Variants in ANKRD11 observed in about 807,000 individuals in gnomAD.
The protein encoded by ANKRD11 is ankyrin repeat domain 11.
A neutral mutation model predicts 195.7 loss-of-function variants in ANKRD11; 17 were observed. That is an observed-to-expected ratio of 0.09 (90% CI 0.06 to 0.13). The LOEUF (loss-of-function observed/expected upper bound fraction) is 0.13. Among genes scored for constraint, ANKRD11 ranks in the 10% least tolerant of loss-of-function variants. ANKRD11 has a pLI of 1.00. For synonymous variants in ANKRD11, 1,953 were observed against 1,528.1 expected, an observed-to-expected ratio of 1.28 and a Z score of -6.49; for missense variants, 3,735 against 3,566.1, an observed-to-expected ratio of 1.05 and a Z score of -1.21.
chr16:89,330,095 T>C (rs547381459), intron 2 of ANKRD11, among the ~76,000 whole-genome samples: 3 of 152,340 alleles, frequency 2.0e-5, no homozygotes, highest in African/African-American at 7.2e-5. Flanking sequence ...ATGTTTAAAA[T>C]GATTTAAATA....
chr16:89,377,287 A>G (rs1567719974), intron 2 of ANKRD11, among the ~76,000 whole-genome samples: 1 of 152,096 alleles, frequency 6.6e-6, no homozygotes, highest in Non-Finnish European at 1.5e-5. Flanking sequence ...GAGAGAGAGC[A>G]TCATGAGTGT....
chr16:89,460,041 G>A (rs2056597420), intron 1 of ANKRD11, among the ~76,000 whole-genome samples: 1 of 151,990 alleles, frequency 6.6e-6, no homozygotes, highest in African/African-American at 2.4e-5. Context: ...TTTGAGACCA[G>A]CCTACCCAAC....
chr16:89,443,967 G>A (rs995905250), intron 1 of ANKRD11, among the ~76,000 whole-genome samples: 10 of 152,250 alleles, frequency 6.6e-5, no homozygotes, highest in African/African-American at 7.2e-5. Context: ...GAGACAAAGC[G>A]GCCTGTCAGG....
intron 1 of ANKRD11, among the ~76,000 whole-genome samples, chr16:89,445,067 T>C (rs2152303169): frequency 6.6e-6 from 1 of 152,312 alleles, no homozygotes; most frequent in African/African-American, 2.4e-5. Context: ...CCAGGTGTGC[T>C]GGCCCCTTGG....
At chr16:89,459,933 C>CAAAAAAAAAGA (rs2056592856) in intron 1 of ANKRD11, among the ~76,000 whole-genome samples, 1 of 135,476 alleles carries the variant, frequency 7.4e-6, no homozygotes, top group Non-Finnish European at 1.6e-5. Context: ...ACCCTGTATC[C>CAAAAAAAAAGA]AAAAAAAAAG....
At position 89,284,847 on chromosome 16, in the gene ANKRD11, T is replaced by C. The variant is rs781202072; in HGVS notation, c.1695A>G (p.Leu565=). 2 of 1,614,000 alleles carry C rather than the reference T, an allele frequency of 1.2e-6. No homozygotes were observed. Among genetic ancestry groups the C allele is most frequent in the Non-Finnish European group, 1.7e-6 (2 of 1,180,026 alleles). Residue 565 remains leucine, a synonymous_variant, in exon 9 of 13, where the codon TTA becomes TTG. Transcript: ENST00000301030. The stretch of plus-strand genomic sequence containing the variant: ...TCAGTCTCGTCCTTGTGGAGTCTGA[T>C]AAAGAACTGACCTCTGACCAAGCCG... The part of the protein sequence containing the change: ...SSPAWSEVSS[L]SDSTRTRLTS...
At chr16:89,396,977 A>C (rs908824899) in intron 2 of ANKRD11, among the ~76,000 whole-genome samples, 2 of 152,046 alleles carry the variant, frequency 1.3e-5, no homozygotes, top group African/African-American at 2.4e-5. Context: ...GGCATGAGCC[A>C]GGGGACTTGA....
In ANKRD11 at chr16:89,381,354, A is replaced by AGCG. The variant is rs1555560067; in HGVS notation, c.-60+36929_-60+36930insCGC. Among the ~76,000 whole-genome samples, 20 of 125,338 alleles carry AGCG rather than the reference A, an allele frequency of 1.6e-4. 1 individual carries two copies. The highest frequency in any genetic ancestry group is 2.6e-4 in the Non-Finnish European group (16 of 61,890). 82.2% of individuals were successfully genotyped at this position (125,338 alleles called of 152,430 possible). ...TGCAAAAAAAAAAAAAAAAAAAAAAAGGGGTGAGAAGGGCAAGCAAGAGTT... is the reference window on the plus strand; with the variant it reads ...TGCAAAAAAAAAAAAAAAAAAAAAAAGCGGGGGTGAGAAGGGCAAGCAAGAGTT... On this transcript the variant is annotated intron_variant, in intron 2 of 12. Coordinates refer to ENST00000301030, the MANE Select transcript of ANKRD11 (RefSeq NM_013275.6).
chr16:89,454,340 C>CCACATGGGCACA (rs1384620347), intron 1 of ANKRD11, among the ~76,000 whole-genome samples: 2 of 152,072 alleles, frequency 1.3e-5, no homozygotes, highest in Non-Finnish European at 2.9e-5. Context: ...AGCAAGGATC[C>CCACATGGGCACA]GACCCACATG....
At chr16:89,395,518 G>A (rs1333703118) in intron 2 of ANKRD11, among the ~76,000 whole-genome samples, 2 of 152,216 alleles carry the variant, frequency 1.3e-5, no homozygotes, top group African/African-American at 4.8e-5. Context: ...CCACCCGAAC[G>A]GGGAACCGAA....
At chr16:89,427,446 C>T (rs1006409921) in intron 1 of ANKRD11, among the ~76,000 whole-genome samples, 1 of 152,210 alleles carries the variant, frequency 6.6e-6, no homozygotes, top group Non-Finnish European at 1.5e-5. Context: ...CATACTACAA[C>T]TTACAGAACT....
At position 89,280,253 on chromosome 16, in the gene ANKRD11, GC is replaced by G; in HGVS notation, c.6288del (p.Leu2098TrpfsTer77). On this transcript the variant is annotated frameshift_variant, in exon 9 of 13. Transcript: ENST00000301030. LOFTEE classifies it high-confidence loss of function. Reference sequence around the variant, plus strand: ...CCGTCCAGGAAGCTATTTTCCAGGGGCCCCAGAGCCTCCACCTGAGCCACAG... The same window carrying G: ...CCGTCCAGGAAGCTATTTTCCAGGGGCCCAGAGCCTCCACCTGAGCCACAG... The part of the protein sequence containing the change: ...VAAVAQVEAL[G>X]PLENSFLDGS... The G allele has an allele frequency of 6.2e-7, 1 of 1,608,446 alleles. No homozygotes were observed.
chr16:89,438,208 T>C (rs939112301), intron 1 of ANKRD11, among the ~76,000 whole-genome samples: 3 of 152,180 alleles, frequency 2.0e-5, no homozygotes, highest in African/African-American at 7.2e-5. Flanking sequence ...GCTTCTTATC[T>C]CACACCATAC....
intron 2 of ANKRD11, among the ~76,000 whole-genome samples, chr16:89,382,887 C>T (rs1028568312): frequency 6.6e-6 from 1 of 152,186 alleles, no homozygotes; most frequent in African/African-American, 2.4e-5. Context: ...GTTGCCCAGG[C>T]TGGAGTGCAG....
At chr16:89,476,714 G>A (rs894245244) in intron 1 of ANKRD11, among the ~76,000 whole-genome samples, 1 of 152,186 alleles carries the variant, frequency 6.6e-6, no homozygotes, top group Non-Finnish European at 1.5e-5. Flanking sequence ...TATCCTAGAG[G>A]TATACTACAC....
intron 1 of ANKRD11, among the ~76,000 whole-genome samples, chr16:89,440,926 T>C (rs1485133371): frequency 1.3e-5 from 2 of 152,066 alleles, no homozygotes; most frequent in Non-Finnish European, 2.9e-5. Context: ...AGAGAGCGCA[T>C]CGTGGTTTAT....
intron 11 of ANKRD11, among the ~76,000 whole-genome samples, chr16:89,273,352 A>G (rs1216627116): frequency 6.6e-6 from 1 of 152,132 alleles, no homozygotes; most frequent in African/African-American, 2.4e-5. Context: ...AAGAATGCAA[A>G]CTTATCAGCA....
At chr16:89,395,525 C>T (rs886582939) in intron 2 of ANKRD11, among the ~76,000 whole-genome samples, 3 of 152,192 alleles carry the variant, frequency 2.0e-5, no homozygotes, top group East Asian at 1.9e-4. Context: ...AACGGGGAAC[C>T]GAATCTTACT....
At position 89,280,930 on chromosome 16, in the gene ANKRD11, G is replaced by C. The variant is rs1241861780; in HGVS notation, c.5612C>G (p.Ala1871Gly). 2 of 1,593,268 alleles carry C rather than the reference G, an allele frequency of 1.3e-6. No homozygotes were observed. Among genetic ancestry groups the C allele is most frequent in the Non-Finnish European group, 1.7e-6 (2 of 1,166,616 alleles). Residue 1871 changes from alanine (A) to glycine (G), a missense_variant, in exon 9 of 13, where the codon GCC (alanine) becomes GGC (glycine). Coordinates refer to ENST00000301030, the MANE Select transcript of ANKRD11 (RefSeq NM_013275.6). ...KVDALHCPPA[A>G]VVTVTPSPEG... ...TGGAGACGGGGTGACAGTGACAACG[G>C]CAGCCGGTGGGCAGTGCAAAGCGTC... is the stretch of plus-strand genomic sequence containing the variant.
Sources: gnomAD v4.1 joint callset for allele counts (sites outside exome capture counted in the v4.1 genomes callset) on GRCh38, gnomAD v4.1.1 for gene constraint, MANE v1.5 for transcripts, NCBI Gene and HGNC (gene_info 2026-07-23, HGNC 2026-07-21) for gene names.